ELAVL3: variants seen among roughly 807,000 people sequenced by gnomAD.
The protein encoded by ELAVL3 is ELAV like RNA binding protein 3, also known as ELAV-like protein 3.
A neutral mutation model predicts 34.2 loss-of-function variants in ELAVL3; 8 were observed. The observed-to-expected ratio is 0.23, with a 90% confidence interval of 0.14 to 0.42. The LOEUF is 0.42. ELAVL3 is among the 10% of genes least tolerant of loss of function. The pLI, the probability that ELAVL3 is intolerant of heterozygous loss-of-function variation, is 1.00. For missense variants in ELAVL3, 273 were observed against 518.8 expected, an observed-to-expected ratio of 0.53 and a Z score of 4.60; for synonymous variants, 209 against 222.1, an observed-to-expected ratio of 0.94 and a Z score of 0.53.
rs1006372070 is a variant in ELAVL3, at chr19:11,453,093, C to A, written c.*1433G>T. On this transcript the variant is annotated 3_prime_UTR_variant, in exon 7 of 7. Coordinates refer to ENST00000359227, the MANE Select transcript of ELAVL3 (RefSeq NM_001420.4). Reference sequence around the variant, plus strand: ...GGAGGCCCAGTCCTGGTGGGGGAGGCTCAGGGCTGGGCCTCTCCCTCAGCT... The same window carrying A: ...GGAGGCCCAGTCCTGGTGGGGGAGGATCAGGGCTGGGCCTCTCCCTCAGCT... The A allele has an allele frequency of 6.6e-6, 1 of 151,744 alleles. No individual in the cohort carries two copies. Among genetic ancestry groups the A allele is most frequent in the African/African-American group, 2.4e-5 (1 of 41,276 alleles). 9.4% of individuals were successfully genotyped at this position (151,744 alleles called of 1,614,324 possible). A position where few individuals can be genotyped will look rare whatever the true frequency, so the allele number is the denominator to read the frequency against.
In ELAVL3 at chr19:11,466,708, G is replaced by A. The variant is rs773761181; in HGVS notation, c.129C>T (p.Val43=). 2.5e-6 allele frequency: 4 copies of A among 1,614,236 alleles called. No homozygotes were observed. The South Asian group carries it at 4.4e-5, about 18-fold the overall frequency. ...ATDDSKTNLI[V]NYLPQNMTQD... is the part of the protein sequence containing the mutation. The stretch of plus-strand genomic sequence containing the variant: ...GGGTCATGTTCTGGGGCAGGTAGTT[G>A]ACGATGAGGTTGGTCTTGCTGTCGT... Residue 43 remains valine, a synonymous_variant, in exon 2 of 7, where the codon GTC becomes GTT. Coordinates refer to ENST00000359227, the MANE Select transcript of ELAVL3 (RefSeq NM_001420.4). The surrounding 1 kb of genome is among the most constrained non-coding windows in gnomAD (Gnocchi z 5.0).
chr19:11,480,671 G>T lies in ELAVL3; in HGVS notation c.-63C>A. 1.5e-6 allele frequency: 2 copies of T among 1,354,804 alleles called. No individual in the cohort carries two copies. Among genetic ancestry groups the T allele is most frequent in the Non-Finnish European group, 1.9e-6 (2 of 1,040,822 alleles). 83.9% of individuals were successfully genotyped at this position (1,354,804 alleles called of 1,614,324 possible). ...GGCTCCGGGGGTGGTGCACTCCTAG[G>T]GGGGCGCCCGATGCTCACGCTGGGG... On this transcript the variant is annotated 5_prime_UTR_variant, in exon 1 of 7. Coordinates refer to ENST00000359227, the MANE Select transcript of ELAVL3 (RefSeq NM_001420.4). The surrounding 1 kb of genome is among the most constrained non-coding windows in gnomAD (Gnocchi z 6.8).
intron 1 of ELAVL3, among the ~76,000 whole-genome samples, chr19:11,468,015 C>T (rs1224070033): frequency 6.6e-6 from 1 of 152,178 alleles, no homozygotes; most frequent in Non-Finnish European, 1.5e-5. Flanking sequence ...GTCTCAAACT[C>T]TTGGGCTCTG....
intron 3 of ELAVL3, among the ~76,000 whole-genome samples, chr19:11,460,295 A>G (rs1970855920): frequency 6.6e-6 from 1 of 151,436 alleles, no homozygotes; most frequent in African/African-American, 2.4e-5. Flanking sequence ...AGCCTTCACT[A>G]CTGATCACCT....
chr19:11,466,039 T>G lies in ELAVL3; in HGVS notation c.333+133A>C. ...CAGCTAGGAAGTCTTGGAGGGGAGA[T>G]TTGAGCCCCTCTGGGGATGAGTCCT... On this transcript the variant is annotated intron_variant, in intron 3 of 6. Transcript: ENST00000359227. The surrounding 1 kb of genome is among the most constrained non-coding windows in gnomAD (Gnocchi z 5.0). 1 of 797,290 alleles carries G rather than the reference T, an allele frequency of 1.3e-6. No homozygotes were observed. The highest frequency in any genetic ancestry group is 2.1e-6 in the Non-Finnish European group (1 of 482,014). 49.4% of individuals were successfully genotyped at this position (797,290 alleles called of 1,614,324 possible). A position where few individuals can be genotyped will look rare whatever the true frequency, so the allele number is the denominator to read the frequency against.
In ELAVL3 at chr19:11,457,695, C is replaced by A. The variant is rs1296582520; in HGVS notation, c.713+366G>T. On this transcript the variant is annotated intron_variant, in intron 5 of 6. Coordinates refer to ENST00000359227, the MANE Select transcript of ELAVL3 (RefSeq NM_001420.4). ...GGGACAACACAAGCTCTGTTCTCAT[C>A]GGGTTGCAGAAAAATAAGGGTGTCT... Among the ~76,000 whole-genome samples, 3 of 152,118 alleles carry A rather than the reference C, an allele frequency of 2.0e-5. No homozygotes were observed. The East Asian group carries it at 5.8e-4, about 29-fold the overall frequency.
At chr19:11,477,964 A>G (rs1435807801) in intron 1 of ELAVL3, among the ~76,000 whole-genome samples, 1 of 152,194 alleles carries the variant, frequency 6.6e-6, no homozygotes, top group Non-Finnish European at 1.5e-5. Flanking sequence ...TGCTGAGATT[A>G]CAGGCATGAG....
chr19:11,464,098 C>T (rs1044148010), intron 3 of ELAVL3, among the ~76,000 whole-genome samples: 6 of 135,030 alleles, frequency 4.4e-5, no homozygotes, highest in African/African-American at 6.4e-5. Context: ...CCTCTCTCTC[C>T]CTCTCTCTCT....
intron 1 of ELAVL3, among the ~76,000 whole-genome samples, chr19:11,470,592 G>A (rs1251160831): frequency 1.3e-5 from 2 of 151,802 alleles, no homozygotes; most frequent in South Asian, 2.1e-4. Context: ...CAGGAGAATC[G>A]CTTGAACCTG....
chr19:11,459,342 C>T (rs1470268312), intron 3 of ELAVL3, among the ~76,000 whole-genome samples: 1 of 151,878 alleles, frequency 6.6e-6, no homozygotes, highest in Non-Finnish European at 1.5e-5. Context: ...ACCATGTTGG[C>T]CAGGATGGTC....
intron 3 of ELAVL3, among the ~76,000 whole-genome samples, chr19:11,464,680 C>T (rs919512459): frequency 1.5e-5 from 2 of 130,466 alleles, no homozygotes; most frequent in East Asian, 4.3e-4. Flanking sequence ...ACATCACACA[C>T]ACACCCCCCA....
rs1215435723 is a variant in ELAVL3, at chr19:11,464,151, C to CTCTCTCTATATA, written c.333+2020_333+2021insTATATAGAGAGA. 4.6e-5 allele frequency among the ~76,000 whole-genome samples: 4 copies of CTCTCTCTATATA among 86,460 alleles called. 1 individual carries two copies. The South Asian group carries it at 1.6e-3, about 35-fold the overall frequency. The allele number at this position is 86,460 out of a possible 152,430, so 56.7% of individuals were successfully genotyped here. A position where few individuals can be genotyped will look rare whatever the true frequency, so the allele number is the denominator to read the frequency against. On this transcript the variant is annotated intron_variant, in intron 3 of 6. Transcript: ENST00000359227. ...TCTCTCTCTCTCTCTCTCTCTCTCT[C>CTCTCTCTATATA]TATATATATATATATATTTTTTTTT...
intron 1 of ELAVL3, among the ~76,000 whole-genome samples, chr19:11,467,520 G>A (rs1315695850): frequency 6.6e-6 from 1 of 151,896 alleles, no homozygotes; most frequent in African/African-American, 2.4e-5. Flanking sequence ...TGGTTGCTCT[G>A]TCACCCAGAC....
Position 11,457,168 on chromosome 19 carries a change from G to A in ELAVL3, c.714-20C>T. The stretch of plus-strand genomic sequence containing the variant: ...TCCAGCCTGTGGAGGCAGAGGTGGT[G>A]GTCAGAGGTGGCTTCCAGTCACGCC... On this transcript the variant is annotated intron_variant, in intron 5 of 6. Coordinates refer to ENST00000359227, the MANE Select transcript of ELAVL3 (RefSeq NM_001420.4). 6.4e-7 allele frequency: 1 copy of A among 1,552,094 alleles called. No homozygotes were observed. Among genetic ancestry groups the A allele is most frequent in the Non-Finnish European group, 8.7e-7 (1 of 1,154,124 alleles).
At chr19:11,462,174 C>CA (rs775716481) in intron 3 of ELAVL3, among the ~76,000 whole-genome samples, 2,138 of 73,422 alleles carry the variant, frequency 0.029, 139 homozygotes, top group African/African-American at 0.08. Flanking sequence ...GACTCCGTCT[C>CA]AAAAAAAAAA....
intron 5 of ELAVL3, 138 bp from the exon 6 acceptor site, chr19:11,457,286 C>G (rs1970789370): frequency 1.1e-6 from 1 of 939,508 alleles, no homozygotes; most frequent in Admixed American, 3.5e-5. Context: ...CCCCGCCCGC[C>G]CGGCTAGACA....
chr19:11,451,494 C>CTTTTTTTTT lies in ELAVL3; in HGVS notation c.*3023_*3031dup, dbSNP rs950823031. 4.6e-5 allele frequency: 3 copies of CTTTTTTTTT among 65,530 alleles called. No individual in the cohort carries two copies. Among genetic ancestry groups the CTTTTTTTTT allele is most frequent in the Non-Finnish European group, 6.0e-5 (2 of 33,100 alleles). The allele number at this position is 65,530 out of a possible 1,614,324, so 4.1% of individuals were successfully genotyped here. A position where few individuals can be genotyped will look rare whatever the true frequency, so the allele number is the denominator to read the frequency against. On this transcript the variant is annotated 3_prime_UTR_variant, in exon 7 of 7. Transcript: ENST00000359227. ...TTTTTTTTTTTGTCTTTTGTTTTGT[C>CTTTTTTTTT]TTTTTTTTTTTTTTTTTTTTTACAG...
chr19:11,462,554 T>C (rs1360405008), intron 3 of ELAVL3, among the ~76,000 whole-genome samples: 1 of 151,596 alleles, frequency 6.6e-6, no homozygotes, highest in Non-Finnish European at 1.5e-5. Flanking sequence ...GGAGAATCAC[T>C]TGAACCTGAG....
Position 11,454,430 on chromosome 19 carries a change from G to T in ELAVL3, c.*96C>A. 1.6e-6 allele frequency: 2 copies of T among 1,227,820 alleles called. No homozygotes were observed. The highest frequency in any genetic ancestry group is 2.2e-6 in the Non-Finnish European group (2 of 904,088). 76.1% of individuals were successfully genotyped at this position (1,227,820 alleles called of 1,614,324 possible). A position where few individuals can be genotyped will look rare whatever the true frequency, so the allele number is the denominator to read the frequency against. On this transcript the variant is annotated 3_prime_UTR_variant, in exon 7 of 7. Transcript: ENST00000359227. The surrounding 1 kb of genome is among the most constrained non-coding windows in gnomAD (Gnocchi z 9.2). ...TCGCGTCGTCCGTGGGGCTGCCTGT[G>T]CTGTCTCTCTTGGGCCCCTTCTCTC...
Sources: allele counts gnomAD v4.1 joint callset (sites outside exome capture counted in the v4.1 genomes callset), GRCh38; gene constraint gnomAD v4.1.1; non-coding constraint Gnocchi (gnomAD v3.1); transcripts MANE v1.5; gene names NCBI Gene and HGNC (gene_info 2026-07-23, HGNC 2026-07-21).